The following SCEL variants were observed in gnomAD, a reference collection of about 807,000 sequenced individuals.
SCEL encodes sciellin.
In SCEL, 113 loss-of-function variants were observed where a neutral mutation model predicts 117.6. The ratio of observed to expected loss-of-function variants is 0.96; its 90% CI spans 0.83 to 1.12. The LOEUF (loss-of-function observed/expected upper bound fraction) is 1.12. Ranked by LOEUF, SCEL falls within the 50% of genes most tolerant of loss-of-function variation. The pLI is 0.00. For missense variants in SCEL, 785 were observed against 810.8 expected (o/e 0.97, Z 0.39); for synonymous variants, 270 against 256.2 (o/e 1.05, Z -0.51).
At chr13:77,643,065 T>G (rs1009689608) in intron 32 of SCEL, among the ~76,000 whole-genome samples, 4 of 152,064 alleles carry the variant, frequency 2.6e-5, no homozygotes, top group Non-Finnish European at 4.4e-5. Flanking sequence ...AAATTTTCCG[T>G]TTTTTTCCAA....
chr13:77,570,303 T>C (rs1462345985), intron 8 of SCEL, among the ~76,000 whole-genome samples: 2 of 152,208 alleles, frequency 1.3e-5, no homozygotes, highest in East Asian at 3.8e-4. Flanking sequence ...CATCTTTCCA[T>C]TGAACCCAAA....
intron 9 of SCEL, among the ~76,000 whole-genome samples, chr13:77,585,152 A>G (rs1184456870): frequency 6.6e-6 from 1 of 152,226 alleles, no homozygotes; most frequent in African/African-American, 2.4e-5. Context: ...TATGCCATAC[A>G]CAATCCTAGT....
At chr13:77,637,264 A>G in intron 30 of SCEL, 70 bp downstream of exon 30, 1 of 438,912 alleles carries the variant, frequency 2.3e-6, no homozygotes, top group Non-Finnish European at 4.0e-6. Context: ...ATATATATAT[A>G]TATACACACA....
chr13:77,643,658 G>A (rs541800463), intron 32 of SCEL, among the ~76,000 whole-genome samples: 1 of 152,166 alleles, frequency 6.6e-6, no homozygotes, highest in African/African-American at 2.4e-5. Flanking sequence ...GGAATTTAAT[G>A]ACAAATGTGT....
intron 1 of SCEL, among the ~76,000 whole-genome samples, chr13:77,541,275 G>A (rs890956841): frequency 1.1e-4 from 17 of 152,014 alleles, no homozygotes; most frequent in Admixed American, 4.6e-4. Context: ...AAAAATATGC[G>A]AGTAAAACAA....
At chr13:77,575,631 A>G (rs1423195582) in intron 9 of SCEL, among the ~76,000 whole-genome samples, 1 of 152,196 alleles carries the variant, frequency 6.6e-6, no homozygotes, top group East Asian at 1.9e-4. Flanking sequence ...CTATTTTTGT[A>G]AATGTTCACG....
rs917242294 is a variant in SCEL at position 77,569,327 on chromosome 13, A to G, written c.399-44A>G. Reference sequence around the variant, plus strand: ...CTTTTCAAAGGTAGGCTGAAATGAAAAAGTTTGAGAGTGGGATTAATTGTT... The same window carrying G: ...CTTTTCAAAGGTAGGCTGAAATGAAGAAGTTTGAGAGTGGGATTAATTGTT... On this transcript the variant is annotated intron_variant, in intron 7 of 32. Coordinates refer to ENST00000349847, the MANE Select transcript of SCEL (RefSeq NM_144777.3). The G allele has an allele frequency of 2.7e-6, 4 of 1,483,088 alleles. No individual in the cohort carries two copies. The African/African-American group carries it at 5.5e-5, about 21-fold the overall frequency. 91.9% of individuals were successfully genotyped at this position (1,483,088 alleles called of 1,614,324 possible).
intron 30 of SCEL, 27 bp downstream of exon 30, chr13:77,637,221 A>G: frequency 8.0e-7 from 1 of 1,246,468 alleles, no homozygotes; most frequent in Admixed American, 2.3e-5. Context: ...TTCCATACAT[A>G]AAAAGTACAC....
chr13:77,542,597 C>A (rs2083766423), intron 1 of SCEL, among the ~76,000 whole-genome samples: 1 of 152,128 alleles, frequency 6.6e-6, no homozygotes, highest in African/African-American at 2.4e-5. Flanking sequence ...TGAATCTTTC[C>A]CAGCCTGATG....
At chr13:77,540,486 T>G (rs1259852795) in intron 1 of SCEL, among the ~76,000 whole-genome samples, 4 of 151,766 alleles carry the variant, frequency 2.6e-5, no homozygotes, top group Admixed American at 2.6e-4. Flanking sequence ...GAGGAAGGAG[T>G]GGGGCAAGTG....
chr13:77,611,656 G>A (rs1193748387), intron 22 of SCEL, among the ~76,000 whole-genome samples: 1 of 152,134 alleles, frequency 6.6e-6, no homozygotes. Flanking sequence ...TTGGTTGTGT[G>A]TTTATTTCTT....
intron 1 of SCEL, among the ~76,000 whole-genome samples, chr13:77,541,392 A>G (rs559902003): frequency 6.6e-6 from 1 of 152,326 alleles, no homozygotes; most frequent in East Asian, 1.9e-4. Context: ...ATGATAAACT[A>G]CTATAAGATT....
chr13:77,628,487 T>C (rs1263461766), intron 28 of SCEL, among the ~76,000 whole-genome samples: 1 of 152,138 alleles, frequency 6.6e-6, no homozygotes, highest in Non-Finnish European at 1.5e-5. Context: ...GAAATTTCTT[T>C]ACACCATAGG....
Position 77,644,254 on chromosome 13 carries a change from G to A in SCEL, c.2051-4G>A. 1 of 1,612,810 alleles carries A rather than the reference G, an allele frequency of 6.2e-7. No individual in the cohort carries two copies. Among genetic ancestry groups the A allele is most frequent in the Non-Finnish European group, 8.5e-7 (1 of 1,179,184 alleles). Reference sequence around the variant, plus strand: ...TTGCACGTCTTTTTTCTTTTAATTTGCAGCAAAGTGGATTCCATAACTCTG... The same window carrying A: ...TTGCACGTCTTTTTTCTTTTAATTTACAGCAAAGTGGATTCCATAACTCTG... On this transcript the variant is annotated splice_polypyrimidine_tract_variant and splice_region_variant and intron_variant, in intron 32 of 32. Transcript: ENST00000349847.
rs150447507 is a variant in SCEL, at chr13:77,546,107, C to T, written c.-19-9750C>T. Among the ~76,000 whole-genome samples the T allele has an allele frequency of 2.0e-5, 3 of 152,286 alleles. No homozygotes were observed. The East Asian group carries it at 5.8e-4, about 29-fold the overall frequency. ...AGTCCAGTCAGGAACCATGTCAGGC[C>T]ACTTCAGGCCACTTCTGGCTGCAGT... On this transcript the variant is annotated intron_variant, in intron 1 of 32. Coordinates refer to ENST00000349847, the MANE Select transcript of SCEL (RefSeq NM_144777.3).
chr13:77,595,846 C>T (rs1328652679), intron 12 of SCEL, among the ~76,000 whole-genome samples: 3 of 152,170 alleles, frequency 2.0e-5, no homozygotes, highest in Non-Finnish European at 2.9e-5. Context: ...CCTAAAACTA[C>T]TTGACAGGAT....
chr13:77,562,742 A>T (rs1389898618), intron 4 of SCEL, among the ~76,000 whole-genome samples: 1 of 152,192 alleles, frequency 6.6e-6, no homozygotes, highest in African/African-American at 2.4e-5. Flanking sequence ...AATATAGCAA[A>T]TGTTACTTTC....
intron 4 of SCEL, 122 bp downstream of exon 4, chr13:77,559,985 A>T: frequency 1.2e-6 from 1 of 819,046 alleles, no homozygotes. Flanking sequence ...TGTTCTGGGC[A>T]TGTGAAGGAG....
intron 1 of SCEL, among the ~76,000 whole-genome samples, chr13:77,551,676 T>G (rs866789099): frequency 1.2e-4 from 18 of 152,240 alleles, no homozygotes; most frequent in Non-Finnish European, 1.6e-4. Flanking sequence ...GGCCTCGTTT[T>G]TTTGTTTGTT....
Sources: gnomAD v4.1 joint callset for allele counts (sites outside exome capture counted in the v4.1 genomes callset) on GRCh38, gnomAD v4.1.1 for gene constraint, MANE v1.5 for transcripts, NCBI Gene and HGNC (gene_info 2026-07-23, HGNC 2026-07-21) for gene names.